Variants in BABAM2 observed in about 807,000 individuals in gnomAD.
BABAM2 encodes the protein BRISC and BRCA1 A complex member 2.
In BABAM2, 31 loss-of-function variants were observed where a neutral mutation model predicts 54.7. The observed-to-expected ratio is 0.57, with a 90% CI of 0.43 to 0.77. The LOEUF (loss-of-function observed/expected upper bound fraction) is 0.77, where lower values mean the gene tolerates loss of function less well. BABAM2 is among the 30% of genes least tolerant of loss of function. The pLI, the probability that BABAM2 is intolerant of heterozygous loss-of-function variation, is 0.00. For missense variants in BABAM2, 364 were observed against 455.8 expected, an observed-to-expected ratio of 0.80 and a Z score of 1.83; for synonymous variants, 167 against 162.9, an observed-to-expected ratio of 1.03 and a Z score of -0.19.
intron 6 of BABAM2, among the ~76,000 whole-genome samples, chr2:28,126,747 T>G (rs1413952566): frequency 6.9e-6 from 1 of 143,896 alleles, no homozygotes; most frequent in Non-Finnish European, 1.5e-5. Flanking sequence ...TGAACTAGTT[T>G]ACAGTCCCAC....
chr2:28,276,427 A>G (rs1001994821), intron 10 of BABAM2, among the ~76,000 whole-genome samples: 1 of 152,200 alleles, frequency 6.6e-6, no homozygotes, highest in Non-Finnish European at 1.5e-5. Context: ...TGAGGAAATT[A>G]CATACTGAAG....
intron 2 of BABAM2, among the ~76,000 whole-genome samples, chr2:27,912,091 C>T (rs1666645401): frequency 1.3e-5 from 2 of 152,288 alleles, no homozygotes; most frequent in East Asian, 3.9e-4. Context: ...TGTGGAGTCT[C>T]AGTCTCCCAC....
At chr2:28,169,535 G>C (rs1674083595) in intron 7 of BABAM2, among the ~76,000 whole-genome samples, 1 of 152,072 alleles carries the variant, frequency 6.6e-6, no homozygotes, top group African/African-American at 2.4e-5. Flanking sequence ...CCAGTACTTT[G>C]GGCAGCCAAG....
At chr2:28,213,148 G>T (rs1386205536) in intron 7 of BABAM2, among the ~76,000 whole-genome samples, 1 of 152,052 alleles carries the variant, frequency 6.6e-6, no homozygotes, top group Non-Finnish European at 1.5e-5. Context: ...GATCACTTGA[G>T]CCCAGGACAT....
At chr2:28,057,724 C>T (rs1218964932) in intron 6 of BABAM2, among the ~76,000 whole-genome samples, 1 of 151,868 alleles carries the variant, frequency 6.6e-6, no homozygotes, top group East Asian at 1.9e-4. Flanking sequence ...TAGGATAATA[C>T]TTAATTATTA....
At chr2:28,254,808 A>G (rs934298148) in intron 10 of BABAM2, among the ~76,000 whole-genome samples, 1 of 143,096 alleles carries the variant, frequency 7.0e-6, no homozygotes, top group Non-Finnish European at 1.5e-5. Context: ...CATCTAGCTC[A>G]TTGCAGCCTC....
At chr2:28,306,398 C>T (rs549800295) in intron 11 of BABAM2, among the ~76,000 whole-genome samples, 21 of 152,096 alleles carry the variant, frequency 1.4e-4, no homozygotes, top group Middle Eastern at 3.4e-3. Context: ...TATCTTAAAG[C>T]TTTATTTTTA....
At chr2:28,054,154 G>A (rs561365451) in intron 6 of BABAM2, among the ~76,000 whole-genome samples, 4 of 152,144 alleles carry the variant, frequency 2.6e-5, no homozygotes, top group Non-Finnish European at 5.9e-5. Flanking sequence ...ATGGAGGGGA[G>A]TGTTTCTTCA....
At chr2:28,160,196 A>G (rs188299876) in intron 7 of BABAM2, among the ~76,000 whole-genome samples, 1 of 152,202 alleles carries the variant, frequency 6.6e-6, no homozygotes. Context: ...TGCTCAGGCC[A>G]GTCTTGAACT....
At chr2:28,000,936 A>G (rs921509503) in intron 4 of BABAM2, among the ~76,000 whole-genome samples, 1 of 151,870 alleles carries the variant, frequency 6.6e-6, no homozygotes, top group African/African-American at 2.4e-5. Flanking sequence ...CTATGAGATG[A>G]TCTTGGCTCA....
intron 3 of BABAM2, among the ~76,000 whole-genome samples, chr2:27,950,523 C>T (rs1373971668): frequency 6.6e-6 from 1 of 151,888 alleles, no homozygotes; most frequent in Admixed American, 6.6e-5. Context: ...ATGTAGTGTC[C>T]TTTCTCTATA....
At chr2:27,915,618 T>G (rs936049767) in intron 2 of BABAM2, among the ~76,000 whole-genome samples, 1 of 152,358 alleles carries the variant, frequency 6.6e-6, no homozygotes, top group African/African-American at 2.4e-5. Flanking sequence ...TATGCTCATA[T>G]AGCAGATGCT....
chr2:28,216,034 C>A (rs1292873050), intron 7 of BABAM2, among the ~76,000 whole-genome samples: 3 of 152,126 alleles, frequency 2.0e-5, no homozygotes, highest in Admixed American at 2.0e-4. Flanking sequence ...CCTCTAAAAG[C>A]TTTGATGGTG....
chr2:28,229,882 C>T (rs531588832), intron 7 of BABAM2, among the ~76,000 whole-genome samples: 12 of 152,248 alleles, frequency 7.9e-5, no homozygotes, highest in Admixed American at 3.3e-4. Context: ...CCACTGCACC[C>T]GGCCCATATT....
At chr2:27,927,217 C>G (rs1667768511) in intron 2 of BABAM2, among the ~76,000 whole-genome samples, 1 of 152,046 alleles carries the variant, frequency 6.6e-6, no homozygotes, top group Admixed American at 6.6e-5. Flanking sequence ...AAAAGTGTGG[C>G]CCAATAATGA....
intron 3 of BABAM2, among the ~76,000 whole-genome samples, chr2:27,949,388 G>A (rs959478273): frequency 6.6e-6 from 1 of 152,066 alleles, no homozygotes; most frequent in East Asian, 1.9e-4. Flanking sequence ...CAAAAAATTA[G>A]CCAGGCGTGG....
At chr2:27,934,848 G>A (rs904564436) in intron 3 of BABAM2, among the ~76,000 whole-genome samples, 1 of 152,220 alleles carries the variant, frequency 6.6e-6, no homozygotes, top group Non-Finnish European at 1.5e-5. Context: ...ATTGAGAGAA[G>A]TGAAGAAGTT....
intron 3 of BABAM2, among the ~76,000 whole-genome samples, chr2:27,986,930 A>T (rs1171499289): frequency 6.6e-6 from 1 of 152,184 alleles, no homozygotes; most frequent in Non-Finnish European, 1.5e-5. Context: ...TGAGCAGAGG[A>T]AAAAAGGGAG....
chr2:28,073,309 A>G (rs1485894433), intron 6 of BABAM2, among the ~76,000 whole-genome samples: 6 of 152,156 alleles, frequency 3.9e-5, no homozygotes, highest in Non-Finnish European at 8.8e-5. Flanking sequence ...AGCCTGGGCA[A>G]CATAATGAGA....
Sources: allele counts gnomAD v4.1 joint callset (sites outside exome capture counted in the v4.1 genomes callset), GRCh38; gene constraint gnomAD v4.1.1; transcripts MANE v1.5; gene names NCBI Gene and HGNC (gene_info 2026-07-23, HGNC 2026-07-21).